Variants in TBC1D19 observed in about 807,000 individuals in gnomAD.
The protein encoded by TBC1D19 is TBC1 domain family, member 19.
A neutral mutation model predicts 89.0 loss-of-function variants in TBC1D19; 60 were observed. The observed-to-expected ratio is 0.67, with a 90% CI of 0.55 to 0.84. The LOEUF (loss-of-function observed/expected upper bound fraction) is 0.84, where lower values mean the gene tolerates loss of function less well. Ranked by LOEUF, TBC1D19 falls within the 40% of genes least tolerant of loss-of-function variation. The pLI is 0.00. For synonymous variants in TBC1D19, 189 were observed against 199.7 expected (o/e 0.95, Z 0.45); for missense variants, 500 against 610.8 (o/e 0.82, Z 1.91).
At chr4:26,639,465 C>T (rs886899777) in intron 6 of TBC1D19, among the ~76,000 whole-genome samples, 6 of 151,914 alleles carry the variant, frequency 3.9e-5, no homozygotes, top group Non-Finnish European at 8.8e-5. Context: ...AAATATTGTG[C>T]AAGCTTAATT....
At chr4:26,655,690 C>A (rs1486669238) in intron 7 of TBC1D19, among the ~76,000 whole-genome samples, 2 of 152,232 alleles carry the variant, frequency 1.3e-5, no homozygotes, top group East Asian at 3.8e-4. Flanking sequence ...GATACAATAT[C>A]CTGGTGTGCC....
chr4:26,804,864 A>G, the TBC1D19 span, among the ~76,000 whole-genome samples: 1 of 152,266 alleles, frequency 6.6e-6, no homozygotes, highest in South Asian at 2.1e-4. Context: ...TTCGATTTAA[A>G]CATTTACTCA....
upstream of TBC1D19, among the ~76,000 whole-genome samples, chr4:26,583,493 C>T (rs1560393752): frequency 6.6e-6 from 1 of 152,172 alleles, no homozygotes; most frequent in African/African-American, 2.4e-5. Flanking sequence ...ATTGCTAATG[C>T]TTTGCAGAAA....
At chr4:26,801,154 G>A in the TBC1D19 span, among the ~76,000 whole-genome samples, 1 of 152,206 alleles carries the variant, frequency 6.6e-6, no homozygotes, top group Non-Finnish European at 1.5e-5. Context: ...TAACATGTAA[G>A]TCTTTAATCC....
chr4:26,737,231 T>C (rs1718103555), intron 16 of TBC1D19, among the ~76,000 whole-genome samples: 2 of 152,142 alleles, frequency 1.3e-5, no homozygotes, highest in South Asian at 2.1e-4. Flanking sequence ...CTCAGCTTTA[T>C]TCTCTTGGGC....
At chr4:26,595,412 T>C (rs2109964818) in intron 1 of TBC1D19, among the ~76,000 whole-genome samples, 1 of 152,356 alleles carries the variant, frequency 6.6e-6, no homozygotes, top group Non-Finnish European at 1.5e-5. Flanking sequence ...AATTTTTAAT[T>C]TTAATGAAGT....
At chr4:26,636,272 T>C (rs1355413153) in intron 4 of TBC1D19, among the ~76,000 whole-genome samples, 1 of 151,990 alleles carries the variant, frequency 6.6e-6, no homozygotes, top group Admixed American at 6.6e-5. Context: ...AAACATCATA[T>C]GGCATTTTAG....
At chr4:26,778,068 G>A in the TBC1D19 span, among the ~76,000 whole-genome samples, 1 of 149,224 alleles carries the variant, frequency 6.7e-6, no homozygotes, top group African/African-American at 2.5e-5. Context: ...AAAAGAAGGG[G>A]AGGGGAAGGG....
At position 26,668,012 on chromosome 4, in the gene TBC1D19, G is replaced by A. The variant is rs116098497; in HGVS notation, c.664+1607G>A. On this transcript the variant is annotated intron_variant, in intron 9 of 20. Transcript: ENST00000264866. ...TCTCCATATTAAAGTAGAGGATGTG[G>A]AGATGTTAAGTAACTTGCTCCAGGT... Among the ~76,000 whole-genome samples, 816 of 152,038 alleles carry A rather than the reference G, an allele frequency of 5.4e-3. 6 individuals carry two copies. The highest frequency in any genetic ancestry group is 0.019 in the African/African-American group (794 of 41,524).
At chr4:26,783,987 A>T in the TBC1D19 span, among the ~76,000 whole-genome samples, 2 of 152,066 alleles carry the variant, frequency 1.3e-5, no homozygotes, top group Non-Finnish European at 2.9e-5. Flanking sequence ...TCCCCCTTCA[A>T]GTTTCTTTGT....
chr4:26,709,376 T>G (rs1036274271), intron 13 of TBC1D19, among the ~76,000 whole-genome samples: 1 of 152,038 alleles, frequency 6.6e-6, no homozygotes, highest in African/African-American at 2.4e-5. Flanking sequence ...CATTGTTCCT[T>G]TAAATCTTCT....
chr4:26,621,178 A>C (rs767579594), intron 4 of TBC1D19, among the ~76,000 whole-genome samples: 12 of 152,236 alleles, frequency 7.9e-5, no homozygotes, highest in Non-Finnish European at 1.3e-4. Context: ...GCAAAAAACT[A>C]AGAATAAAAT....
the TBC1D19 span, among the ~76,000 whole-genome samples, chr4:26,775,756 A>T: frequency 6.6e-6 from 1 of 152,184 alleles, no homozygotes; most frequent in African/African-American, 2.4e-5. Flanking sequence ...TTCATACAGG[A>T]AAGCCAGGAT....
At chr4:26,713,125 A>G (rs909769223) in intron 13 of TBC1D19, among the ~76,000 whole-genome samples, 2 of 132,520 alleles carry the variant, frequency 1.5e-5, no homozygotes, top group Non-Finnish European at 3.5e-5. Flanking sequence ...AATATTTATT[A>G]TATTAATAGG....
the TBC1D19 span, among the ~76,000 whole-genome samples, chr4:26,829,502 T>C: frequency 2.6e-5 from 4 of 152,330 alleles, no homozygotes; most frequent in African/African-American, 9.6e-5. Flanking sequence ...CAGGGCCTTT[T>C]CCTCTAACTC....
intron 11 of TBC1D19, among the ~76,000 whole-genome samples, chr4:26,674,541 T>G (rs755751574): frequency 1.3e-5 from 2 of 152,044 alleles, no homozygotes; most frequent in Admixed American, 6.6e-5. Flanking sequence ...AATAGCACAC[T>G]AATAGTTTTC....
the TBC1D19 span, among the ~76,000 whole-genome samples, chr4:26,811,328 G>A: frequency 2.0e-5 from 3 of 152,324 alleles, no homozygotes; most frequent in East Asian, 5.8e-4. Flanking sequence ...ACGAAGGGAG[G>A]GGGACATCAC....
intron 7 of TBC1D19, among the ~76,000 whole-genome samples, chr4:26,657,446 T>C (rs537972075): frequency 2.6e-4 from 40 of 152,316 alleles, no homozygotes; most frequent in Admixed American, 1.3e-3. Flanking sequence ...TAGTATTCCA[T>C]GGTGTATATG....
the TBC1D19 span, among the ~76,000 whole-genome samples, chr4:26,767,520 C>T: frequency 6.6e-6 from 1 of 152,068 alleles, no homozygotes; most frequent in African/African-American, 2.4e-5. Context: ...AGGGTAGAGC[C>T]ACCATGATGG....
Sources: gnomAD v4.1 joint callset for allele counts (sites outside exome capture counted in the v4.1 genomes callset) on GRCh38, gnomAD v4.1.1 for gene constraint, MANE v1.5 for transcripts, NCBI Gene and HGNC (gene_info 2026-07-23, HGNC 2026-07-21) for gene names.